ARHGEF26: variants seen among roughly 807,000 people sequenced by gnomAD.
The protein encoded by ARHGEF26 is Rho guanine nucleotide exchange factor (GEF) 26.
Under a neutral mutation model 89.4 loss-of-function variants are expected in ARHGEF26, and 59 were observed. The observed-to-expected ratio is 0.66, with a 90% confidence interval of 0.54 to 0.82. ARHGEF26 has a LOEUF of 0.82. Among genes scored for constraint, ARHGEF26 ranks in the 40% least tolerant of loss-of-function variants. The probability of loss-of-function intolerance (pLI) is 0.00; values close to 1 mark genes in which losing one functional copy is unlikely to be tolerated. For missense variants in ARHGEF26, 1,234 were observed against 1,085.6 expected (o/e 1.14, Z -1.92); for synonymous variants, 500 against 428.4 (o/e 1.17, Z -2.06).
intron 4 of ARHGEF26, among the ~76,000 whole-genome samples, chr3:154,139,667 G>GCCCAA (rs1719238609): frequency 6.6e-6 from 1 of 152,114 alleles, no homozygotes; most frequent in African/African-American, 2.4e-5. Context: ...ACAGTGGTTG[G>GCCCAA]TCTCCATGAT....
chr3:154,241,636 G>C (rs1443380910), intron 12 of ARHGEF26, among the ~76,000 whole-genome samples: 1 of 152,230 alleles, frequency 6.6e-6, no homozygotes, highest in Admixed American at 6.5e-5. Flanking sequence ...AACGTCTCCA[G>C]TAGGGGAGAG....
At chr3:154,232,031 G>C (rs1237313965) in intron 11 of ARHGEF26, among the ~76,000 whole-genome samples, 2 of 152,094 alleles carry the variant, frequency 1.3e-5, no homozygotes, top group African/African-American at 4.8e-5. Flanking sequence ...GAATTGGAGT[G>C]TGGGGTTGCT....
At chr3:154,166,677 GT>G (rs1487837455) in intron 6 of ARHGEF26, among the ~76,000 whole-genome samples, 1 of 152,148 alleles carries the variant, frequency 6.6e-6, no homozygotes, top group African/African-American at 2.4e-5. Flanking sequence ...TGCAATGCCT[GT>G]GTTTTTTCTT....
intron 9 of ARHGEF26, among the ~76,000 whole-genome samples, chr3:154,200,579 T>A (rs2108208384): frequency 6.6e-6 from 1 of 152,202 alleles, no homozygotes; most frequent in East Asian, 1.9e-4. Context: ...TAGGATTTTT[T>A]ATATTTTTGT....
intron 4 of ARHGEF26, among the ~76,000 whole-genome samples, chr3:154,130,387 T>A (rs1036069711): frequency 1.3e-5 from 2 of 152,244 alleles, no homozygotes; most frequent in Non-Finnish European, 2.9e-5. Flanking sequence ...GTGATCCGCC[T>A]GCCTCAGCCT....
chr3:154,159,526 C>T (rs573002838), intron 6 of ARHGEF26, among the ~76,000 whole-genome samples: 218 of 152,182 alleles, frequency 1.4e-3, no homozygotes, highest in African/African-American at 4.8e-3. Context: ...ATAGTACTTA[C>T]CCCGCACTTG....
In ARHGEF26 at chr3:154,122,415, G is replaced by T; in HGVS notation, c.423G>T (p.Pro141=). 1 of 1,610,606 alleles carries T rather than the reference G, an allele frequency of 6.2e-7. No homozygotes were observed. The highest frequency in any genetic ancestry group is 8.5e-7 in the Non-Finnish European group (1 of 1,178,856). Residue 141 remains proline, a synonymous_variant, in exon 2 of 15, where the codon CCG becomes CCT. Coordinates refer to ENST00000465093, the MANE Select transcript of ARHGEF26 (RefSeq NM_015595.4). The part of the protein sequence containing the change: ...GAVTLPAPPP[P]PVLRPPRTPN... ...TGACCTTGCCTGCGCCGCCGCCGCC[G>T]CCGGTTCTGCGCCCCCCGCGGACTC... is the stretch of plus-strand genomic sequence containing the variant.
chr3:154,222,489 G>C (rs1178127226), intron 10 of ARHGEF26, among the ~76,000 whole-genome samples: 1 of 152,042 alleles, frequency 6.6e-6, no homozygotes, highest in Non-Finnish European at 1.5e-5. Flanking sequence ...TTCATGTCTT[G>C]GTTTTCTGAA....
At position 154,122,944 on chromosome 3, in the gene ARHGEF26, C is replaced by T. The variant is rs1485789516; in HGVS notation, c.952C>T (p.Arg318Cys). 3 of 1,613,522 alleles carry T rather than the reference C, an allele frequency of 1.9e-6. No homozygotes were observed. Among genetic ancestry groups the T allele is most frequent in the South Asian group, 2.2e-5 (2 of 90,940 alleles). The change falls in exon 2 of 15, where the codon CGC becomes TGC. Residue 318 changes from arginine to cysteine, a missense_variant. Arg to Cys is a radical substitution (Grantham distance 180, BLOSUM62 -3). Coordinates refer to ENST00000465093, the MANE Select transcript of ARHGEF26 (RefSeq NM_015595.4). ...LRRGLRSTSY[R>C]RAVVSGFDFD... Reference sequence around the variant, plus strand: ...GAGAGGCTTGCGGTCCACGTCTTATCGCAGGGCAGTGGTCAGTGGCTTTGA... The same window carrying T: ...GAGAGGCTTGCGGTCCACGTCTTATTGCAGGGCAGTGGTCAGTGGCTTTGA...
At position 154,256,079 on chromosome 3, in the gene ARHGEF26, G is replaced by A; in HGVS notation, c.*606G>A. ...TTGTCACCTTTTTCCTCATTAGAAG[G>A]AAAGTAGAAAGCCTTACTTTAGGAT... On this transcript the variant is annotated 3_prime_UTR_variant, in exon 15 of 15. Coordinates refer to ENST00000465093, the MANE Select transcript of ARHGEF26 (RefSeq NM_015595.4). 1.0e-6 allele frequency: 1 copy of A among 985,356 alleles called. No individual in the cohort carries two copies. Among genetic ancestry groups the A allele is most frequent in the East Asian group, 1.1e-4 (1 of 8,790 alleles). 61.0% of individuals were successfully genotyped at this position (985,356 alleles called of 1,614,324 possible). A position where few individuals can be genotyped will look rare whatever the true frequency, so the allele number is the denominator to read the frequency against.
chr3:154,186,621 G>T (rs1277799464), intron 6 of ARHGEF26, among the ~76,000 whole-genome samples: 3 of 151,736 alleles, frequency 2.0e-5, no homozygotes, highest in Admixed American at 6.6e-5. Flanking sequence ...AATTAGCCAG[G>T]CATGGTGGCA....
chr3:154,123,146 G>A (rs1311880784), intron 2 of ARHGEF26, 71 bp downstream of exon 2: 17 of 1,569,716 alleles, frequency 1.1e-5, no homozygotes, highest in Non-Finnish European at 1.5e-5. Flanking sequence ...TGGGGAGGAG[G>A]AGCGTAGAGG....
rs10688646 is a variant in ARHGEF26 at position 154,124,372 on chromosome 3, C to CTTTTTT, written c.1084-25_1084-20dup. ...CTCATTCATACATAGTTTGCTTTTCCTTTTTTTTTTTTTTTTTTACTTTTT... is the reference window on the plus strand; with the variant it reads ...CTCATTCATACATAGTTTGCTTTTCCTTTTTTTTTTTTTTTTTTTTTTTTACTTTTT... On this transcript the variant is annotated intron_variant, in intron 2 of 14. Coordinates refer to ENST00000465093, the MANE Select transcript of ARHGEF26 (RefSeq NM_015595.4). The CTTTTTT allele has an allele frequency of 4.1e-4, 410 of 1,010,128 alleles. 3 individuals are homozygous for CTTTTTT. The highest frequency in any genetic ancestry group is 1.4e-3 in the South Asian group (75 of 53,376). 62.6% of individuals were successfully genotyped at this position (1,010,128 alleles called of 1,614,324 possible). A position where few individuals can be genotyped will look rare whatever the true frequency, so the allele number is the denominator to read the frequency against.
Position 154,190,782 on chromosome 3 carries a change from G to GA in ARHGEF26, c.1641-507_1641-506insA, listed in dbSNP as rs539724985. 5.9e-5 allele frequency among the ~76,000 whole-genome samples: 9 copies of GA among 152,286 alleles called. No individual in the cohort carries two copies. The South Asian group carries it at 1.9e-3, about 32-fold the overall frequency. On this transcript the variant is annotated intron_variant, in intron 7 of 14. Coordinates refer to ENST00000465093, the MANE Select transcript of ARHGEF26 (RefSeq NM_015595.4). ...ATATTTCGACTGATGTGATGAAAAG[G>GA]TTTTCTGTCTCAGAAAGAGGATCTT... is the stretch of plus-strand genomic sequence containing the variant.
chr3:154,254,807 A>G lies in ARHGEF26; in HGVS notation c.2456A>G (p.Tyr819Cys), dbSNP rs758556543. ...CAGGTGGCTGACGTCGTCCTCATCT[A>G]TCAACGTGTCAGCGATGGTGAGTGG... ...SLQVADVVLI[Y>C]QRVSDGWYEG... is the part of the protein sequence containing the mutation. The change falls in exon 14 of 15, where the codon TAT becomes TGT. Residue 819 changes from tyrosine to cysteine, a missense_variant. By Grantham distance (194) the Tyr-to-Cys change is radical. Transcript: ENST00000465093. The G allele has an allele frequency of 1.1e-5, 17 of 1,613,664 alleles. No individual in the cohort carries two copies. In the African/African-American group the frequency reaches 1.3e-4, roughly 13 times the overall value.
intron 4 of ARHGEF26, among the ~76,000 whole-genome samples, chr3:154,146,816 CAT>C (rs1719731183): frequency 6.6e-6 from 1 of 152,148 alleles, no homozygotes; most frequent in Non-Finnish European, 1.5e-5. Context: ...AAGATATAGA[CAT>C]ATGTTCATAT....
intron 12 of ARHGEF26, 29 bp from the exon 13 acceptor site, chr3:154,253,087 C>A: frequency 6.2e-7 from 1 of 1,612,942 alleles, no homozygotes; most frequent in Non-Finnish European, 8.5e-7. Flanking sequence ...CACCTTGAGT[C>A]TCTCAGTTGG....
intron 6 of ARHGEF26, among the ~76,000 whole-genome samples, chr3:154,169,692 A>G (rs971564250): frequency 6.6e-6 from 1 of 152,240 alleles, no homozygotes; most frequent in Non-Finnish European, 1.5e-5. Flanking sequence ...TAACAAATCA[A>G]CAATATGTCA....
intron 3 of ARHGEF26, among the ~76,000 whole-genome samples, chr3:154,126,214 T>A (rs140408436): frequency 6.6e-6 from 1 of 152,320 alleles, no homozygotes; most frequent in Admixed American, 6.5e-5. Flanking sequence ...TTAGTCATAG[T>A]GCATACAGAA....
Sources: allele counts gnomAD v4.1 joint callset (sites outside exome capture counted in the v4.1 genomes callset), GRCh38; gene constraint gnomAD v4.1.1; transcripts MANE v1.5; gene names NCBI Gene and HGNC (gene_info 2026-07-23, HGNC 2026-07-21).